ADAMTSL1: variants seen among roughly 807,000 people sequenced by gnomAD.
ADAMTSL1 encodes ADAMTS like 1.
A neutral mutation model predicts 201.8 loss-of-function variants in ADAMTSL1; 126 were observed. The observed-to-expected ratio is 0.62, with a 90% CI of 0.54 to 0.72. The LOEUF (loss-of-function observed/expected upper bound fraction) is 0.72, where lower values mean the gene tolerates loss of function less well. Among genes scored for constraint, ADAMTSL1 ranks in the 30% least tolerant of loss-of-function variants. The pLI is 0.00. For synonymous variants in ADAMTSL1, 1,121 were observed against 903.4 expected, an observed-to-expected ratio of 1.24 and a Z score of -4.32; for missense variants, 2,679 against 2,277.8, an observed-to-expected ratio of 1.18 and a Z score of -3.59.
intron 14 of ADAMTSL1, among the ~76,000 whole-genome samples, chr9:18,717,718 A>G (rs1833040095): frequency 6.6e-6 from 1 of 152,228 alleles, no homozygotes; most frequent in South Asian, 2.1e-4. Flanking sequence ...TCTTAGCAGT[A>G]ATACTGGATG....
chr9:18,253,676 G>T (rs1390114258), intron 2 of ADAMTSL1, among the ~76,000 whole-genome samples: 1 of 152,142 alleles, frequency 6.6e-6, no homozygotes, highest in Non-Finnish European at 1.5e-5. Context: ...GGTCTGTCTG[G>T]TTGGTTCCTT....
chr9:18,761,895 G>A (rs374908988), intron 16 of ADAMTSL1, among the ~76,000 whole-genome samples: 62 of 152,288 alleles, frequency 4.1e-4, no homozygotes, highest in African/African-American at 1.4e-3. Context: ...CCCATACCTG[G>A]AGCGTCAGAC....
chr9:18,861,923 A>G (rs1462975415), intron 23 of ADAMTSL1, among the ~76,000 whole-genome samples: 1 of 151,926 alleles, frequency 6.6e-6, no homozygotes, highest in Non-Finnish European at 1.5e-5. Context: ...ATTGTTTGTT[A>G]TTTTCTTTCC....
intron 2 of ADAMTSL1, among the ~76,000 whole-genome samples, chr9:18,351,052 C>T (rs186399617): frequency 7.9e-5 from 12 of 152,122 alleles, no homozygotes; most frequent in Non-Finnish European, 1.2e-4. Context: ...TTTGTAACCT[C>T]GTTACAATGA....
chr9:18,149,906 G>A (rs934185469), intron 1 of ADAMTSL1, among the ~76,000 whole-genome samples: 2 of 152,028 alleles, frequency 1.3e-5, no homozygotes, highest in South Asian at 4.1e-4. Context: ...AGAGGGAAAA[G>A]AAAAGACAGA....
chr9:18,607,888 C>G (rs893766948), intron 4 of ADAMTSL1, among the ~76,000 whole-genome samples: 2 of 152,114 alleles, frequency 1.3e-5, no homozygotes, highest in Admixed American at 1.3e-4. Context: ...TCATCCATGT[C>G]CCTACAAAGG....
chr9:18,890,534 A>G, intron 25 of ADAMTSL1: 1 of 456,042 alleles, frequency 2.2e-6, no homozygotes, highest in Non-Finnish European at 4.4e-6. Context: ...TACTTAGGCA[A>G]CTGCTTTCTG....
chr9:18,689,422 G>A (rs1421595809), intron 13 of ADAMTSL1, among the ~76,000 whole-genome samples: 1 of 152,046 alleles, frequency 6.6e-6, no homozygotes, highest in African/African-American at 2.4e-5. Context: ...TCTGACTTGG[G>A]ACAGGAAGGA....
In ADAMTSL1 at chr9:17,924,980, T is replaced by G. The variant is rs1229561738; in HGVS notation, c.87+18058T>G. ...TCTGACAAAGGGCTAATATCCAGAA[T>G]CTACAATGAACTCAAACAAATTTAC... On this transcript the variant is annotated intron_variant, in intron 1 of 29. Coordinates refer to the ADAMTSL1 transcript ENST00000680146. Among the ~76,000 whole-genome samples the G allele has an allele frequency of 9.3e-3, 1,180 of 126,540 alleles. 8 individuals carry two copies. Among genetic ancestry groups the G allele is most frequent in the African/African-American group, 0.033 (1,136 of 34,882 alleles). The allele number at this position is 126,540 out of a possible 152,430, so 83.0% of individuals were successfully genotyped here. A position where few individuals can be genotyped will look rare whatever the true frequency, so the allele number is the denominator to read the frequency against.
chr9:18,767,892 T>C (rs1231394995), intron 16 of ADAMTSL1, among the ~76,000 whole-genome samples: 1 of 152,230 alleles, frequency 6.6e-6, no homozygotes, highest in Non-Finnish European at 1.5e-5. Context: ...TAGATTTTGT[T>C]CTTAATCAAG....
chr9:18,645,905 G>GT (rs1290531441), intron 7 of ADAMTSL1, among the ~76,000 whole-genome samples: 1 of 144,870 alleles, frequency 6.9e-6, no homozygotes, highest in Non-Finnish European at 1.5e-5. Context: ...CTTTAAAGTA[G>GT]TTTTTTCCAA....
At chr9:18,604,497 T>A (rs971292897) in intron 4 of ADAMTSL1, among the ~76,000 whole-genome samples, 6 of 152,202 alleles carry the variant, frequency 3.9e-5, no homozygotes, top group East Asian at 3.8e-4. Context: ...GTGCCTAGTA[T>A]AATGAAATCA....
chr9:17,934,838 C>G (rs779744548), intron 1 of ADAMTSL1, among the ~76,000 whole-genome samples: 1 of 151,502 alleles, frequency 6.6e-6, no homozygotes, highest in Admixed American at 6.6e-5. Flanking sequence ...GACTCCATCC[C>G]CATTTGCCTA....
chr9:18,092,390 G>A (rs1194678794), intron 1 of ADAMTSL1, among the ~76,000 whole-genome samples: 3 of 152,152 alleles, frequency 2.0e-5, no homozygotes, highest in African/African-American at 7.2e-5. Flanking sequence ...ATCAGGCAGA[G>A]AAAATGATTT....
At chr9:18,206,495 C>T (rs565112969) in intron 2 of ADAMTSL1, among the ~76,000 whole-genome samples, 2 of 152,158 alleles carry the variant, frequency 1.3e-5, no homozygotes, top group South Asian at 4.1e-4. Context: ...GTTCTCATGA[C>T]CCCTACTGTG....
intron 5 of ADAMTSL1, among the ~76,000 whole-genome samples, chr9:18,627,204 A>G (rs903750336): frequency 2.6e-5 from 4 of 152,184 alleles, no homozygotes; most frequent in Non-Finnish European, 5.9e-5. Flanking sequence ...CTGGTCTCAA[A>G]TTCCTGGCCT....
At chr9:18,866,212 G>C (rs77695903) in intron 23 of ADAMTSL1, among the ~76,000 whole-genome samples, 5,695 of 150,818 alleles carry the variant, frequency 0.038, 260 homozygotes, top group African/African-American at 0.11. Flanking sequence ...TTTCTCATTA[G>C]CAGTGAAACA....
At chr9:18,615,175 ATTCTATTTTCTCATATT>A in intron 4 of ADAMTSL1, among the ~76,000 whole-genome samples, 1 of 152,198 alleles carries the variant, frequency 6.6e-6, no homozygotes, top group Non-Finnish European at 1.5e-5. Flanking sequence ...ATTACTGGAG[ATTCTATTTTCTCATATT>A]GGAAACCTTA....
chr9:18,418,170 G>C (rs1221049365), intron 2 of ADAMTSL1, among the ~76,000 whole-genome samples: 7 of 152,166 alleles, frequency 4.6e-5, no homozygotes, highest in Admixed American at 4.6e-4. Context: ...CTCTCAGTCA[G>C]CTAGGAAAAG....
Sources: allele counts gnomAD v4.1 joint callset (sites outside exome capture counted in the v4.1 genomes callset), GRCh38; gene constraint gnomAD v4.1.1; transcripts MANE v1.5; gene names NCBI Gene and HGNC (gene_info 2026-07-23, HGNC 2026-07-21).